Variants in KATNAL1 observed in about 807,000 individuals in gnomAD.
KATNAL1 encodes katanin catalytic subunit A1 like 1.
In KATNAL1, 32 loss-of-function variants were observed where a neutral mutation model predicts 55.2. The observed-to-expected ratio is 0.58, with a 90% confidence interval of 0.44 to 0.78. The LOEUF (loss-of-function observed/expected upper bound fraction) is 0.78. KATNAL1 is among the 30% of genes least tolerant of loss of function. The probability of loss-of-function intolerance (pLI) is 0.00; values close to 1 mark genes in which losing one functional copy is unlikely to be tolerated. For missense variants in KATNAL1, 466 were observed against 600.9 expected (o/e 0.78, Z 2.35); for synonymous variants, 193 against 193.6 (o/e 1.00, Z 0.02).
At chr13:30,278,141 C>T (rs1020166432) in intron 3 of KATNAL1, among the ~76,000 whole-genome samples, 6 of 151,894 alleles carry the variant, frequency 4.0e-5, no homozygotes, top group Middle Eastern at 3.4e-3. Flanking sequence ...TATTATATTT[C>T]CTTCTCTAGT....
chr13:30,241,094 T>C lies in KATNAL1; in HGVS notation c.493-8A>G, dbSNP rs374445148. 31 of 1,609,860 alleles carry C rather than the reference T, an allele frequency of 1.9e-5. No homozygotes were observed. The African/African-American group carries it at 2.8e-4, about 15-fold the overall frequency. On this transcript the variant is annotated splice_polypyrimidine_tract_variant and splice_region_variant and intron_variant, in intron 4 of 10. Transcript: ENST00000380615. ...TTGCATATTCTTCCTTCCCTGGGGA[T>C]AGGTATAAAAAAAAAGTACTAGTCA... is the stretch of plus-strand genomic sequence containing the variant.
intron 6 of KATNAL1, among the ~76,000 whole-genome samples, chr13:30,235,862 C>T (rs1876611532): frequency 6.6e-6 from 1 of 151,264 alleles, no homozygotes; most frequent in Admixed American, 6.6e-5. Context: ...AAAAAAAAAT[C>T]ATTGAATAGC....
At chr13:30,253,156 T>A (rs984830576) in intron 4 of KATNAL1, among the ~76,000 whole-genome samples, 17 of 152,332 alleles carry the variant, frequency 1.1e-4, no homozygotes, top group African/African-American at 4.1e-4. Flanking sequence ...AACTTCAGTA[T>A]CCTAATGAAT....
rs528556512 is a variant in KATNAL1 at position 30,278,064 on chromosome 13, G to A, written c.323+1999C>T. On this transcript the variant is annotated intron_variant, in intron 3 of 10. Transcript: ENST00000380615. ...ATTGTTAATTGATGAAGGACCCACTGTTGTTGCTTACATAGAAACTTTATT... is the reference window on the plus strand; with the variant it reads ...ATTGTTAATTGATGAAGGACCCACTATTGTTGCTTACATAGAAACTTTATT... 1.4e-4 allele frequency among the ~76,000 whole-genome samples: 21 copies of A among 146,234 alleles called. No homozygotes were observed. In the East Asian group the frequency reaches 4.0e-3, roughly 28 times the overall value.
In KATNAL1 at chr13:30,206,674, A is replaced by G. The variant is rs1424859426; in HGVS notation, c.*1866T>C. 6.6e-6 allele frequency: 1 copy of G among 151,940 alleles called. No individual in the cohort carries two copies. Among genetic ancestry groups the G allele is most frequent in the Non-Finnish European group, 1.5e-5 (1 of 67,960 alleles). 9.4% of individuals were successfully genotyped at this position (151,940 alleles called of 1,614,324 possible). A position where few individuals can be genotyped will look rare whatever the true frequency, so the allele number is the denominator to read the frequency against. ...CATTGAAAGTAATGGAAAAACCACAATTACTTTTGCACCAACCCATTACAA... is the reference window on the plus strand; with the variant it reads ...CATTGAAAGTAATGGAAAAACCACAGTTACTTTTGCACCAACCCATTACAA... On this transcript the variant is annotated 3_prime_UTR_variant, in exon 11 of 11. Coordinates refer to ENST00000380615, the MANE Select transcript of KATNAL1 (RefSeq NM_032116.5).
chr13:30,226,145 G>T (rs911798107), intron 9 of KATNAL1, among the ~76,000 whole-genome samples: 1 of 152,132 alleles, frequency 6.6e-6, no homozygotes, highest in Non-Finnish European at 1.5e-5. Context: ...GCAAGGATAT[G>T]GAAGTATTTG....
chr13:30,242,289 GTCC>G (rs1222349728), intron 4 of KATNAL1, among the ~76,000 whole-genome samples: 1 of 152,182 alleles, frequency 6.6e-6, no homozygotes, highest in Admixed American at 6.5e-5. Context: ...TAATATGAAT[GTCC>G]AAGTGGCTGG....
intron 1 of KATNAL1, among the ~76,000 whole-genome samples, chr13:30,289,608 T>G (rs942168607): frequency 4.6e-5 from 7 of 152,248 alleles, no homozygotes; most frequent in Non-Finnish European, 8.8e-5. Flanking sequence ...TATATTGTAT[T>G]TAACACAGCT....
chr13:30,268,347 A>T lies in KATNAL1; in HGVS notation c.323+11716T>A, dbSNP rs181724123. Among the ~76,000 whole-genome samples, 690 of 152,372 alleles carry T rather than the reference A, an allele frequency of 4.5e-3. 9 individuals carry two copies. The highest frequency in any genetic ancestry group is 0.016 in the African/African-American group (650 of 41,588). On this transcript the variant is annotated intron_variant, in intron 3 of 10. Transcript: ENST00000380615. ...AAGATGACTCTCAATAACTTTGATA[A>T]GAGAACTGCCAGCTATAGACTACAA...
intron 4 of KATNAL1, among the ~76,000 whole-genome samples, chr13:30,251,840 T>C (rs1189557764): frequency 6.6e-6 from 1 of 152,200 alleles, no homozygotes; most frequent in Non-Finnish European, 1.5e-5. Context: ...AACAGAGTAC[T>C]AACTAGCCTT....
intron 3 of KATNAL1, among the ~76,000 whole-genome samples, chr13:30,264,031 T>C (rs1391900657): frequency 1.4e-5 from 2 of 147,260 alleles, no homozygotes; most frequent in African/African-American, 2.5e-5. Flanking sequence ...AACAGAGATA[T>C]AGATCAACGG....
At chr13:30,219,381 A>G (rs1874624106) in intron 9 of KATNAL1, among the ~76,000 whole-genome samples, 1 of 152,168 alleles carries the variant, frequency 6.6e-6, no homozygotes. Flanking sequence ...AAATTCAGTT[A>G]AAATGCAACT....
rs114867067 is a variant in KATNAL1 at position 30,252,306 on chromosome 13, A to G, written c.492+3141T>C. 7.3e-3 allele frequency among the ~76,000 whole-genome samples: 1,114 copies of G among 152,344 alleles called. 9 individuals carry two copies. The highest frequency in any genetic ancestry group is 0.025 in the African/African-American group (1,048 of 41,574). The stretch of plus-strand genomic sequence containing the variant: ...TCAAAAAGGATAAGTGCGCTCAAGG[A>G]AGACTAACATTTGCTACTACTGCTA... On this transcript the variant is annotated intron_variant, in intron 4 of 10. Coordinates refer to ENST00000380615, the MANE Select transcript of KATNAL1 (RefSeq NM_032116.5).
Position 30,277,807 on chromosome 13 carries a change from C to A in KATNAL1, c.323+2256G>T, listed in dbSNP as rs1043857678. On this transcript the variant is annotated intron_variant, in intron 3 of 10. Coordinates refer to ENST00000380615, the MANE Select transcript of KATNAL1 (RefSeq NM_032116.5). ...GACCATCCCGGCTAAAACGGTGAAA[C>A]CCCGTCTCTACTAAAAATACAAAAA... Among the ~76,000 whole-genome samples the A allele has an allele frequency of 7.3e-5, 11 of 151,272 alleles. No individual in the cohort carries two copies. The East Asian group carries it at 2.1e-3, about 29-fold the overall frequency.
Position 30,204,437 on chromosome 13 carries a change from G to C in KATNAL1, c.*4103C>G, listed in dbSNP as rs937786557. ...CTTCATTTTATCTCAAGTTAGGGTG[G>C]GGGGAAAGTGAATCACAGCTACCTC... On this transcript the variant is annotated 3_prime_UTR_variant, in exon 11 of 11. Coordinates refer to ENST00000380615, the MANE Select transcript of KATNAL1 (RefSeq NM_032116.5). 1.3e-5 allele frequency: 2 copies of C among 152,084 alleles called. No individual in the cohort carries two copies. Among genetic ancestry groups the C allele is most frequent in the Non-Finnish European group, 2.9e-5 (2 of 67,996 alleles). The allele number at this position is 152,084 out of a possible 1,614,324, so 9.4% of individuals were successfully genotyped here.
At chr13:30,235,252 C>T (rs1200525634) in intron 6 of KATNAL1, among the ~76,000 whole-genome samples, 1 of 152,204 alleles carries the variant, frequency 6.6e-6, no homozygotes, top group Non-Finnish European at 1.5e-5. Context: ...AGCATGGTGC[C>T]TGCACCCATT....
intron 10 of KATNAL1, 81 bp downstream of exon 10, chr13:30,210,235 G>A (rs1043077417): frequency 1.6e-5 from 20 of 1,223,224 alleles, no homozygotes; most frequent in South Asian, 1.9e-5. Flanking sequence ...ACTACACTGG[G>A]CTAACTACAT....
In KATNAL1 at chr13:30,283,673, C is replaced by T; in HGVS notation, c.105G>A (p.Gln35=). 10 of 1,614,048 alleles carry T rather than the reference C, an allele frequency of 6.2e-6. No individual in the cohort carries two copies. Among genetic ancestry groups the T allele is most frequent in the Non-Finnish European group, 8.5e-6 (10 of 1,179,996 alleles). The change falls in exon 2 of 11, where the codon CAG becomes CAA. Residue 35 remains glutamine, a synonymous_variant. Coordinates refer to ENST00000380615, the MANE Select transcript of KATNAL1 (RefSeq NM_032116.5). ...TGACTGACTGGCAATGTCTCTGAAT[C>T]TGCTGCATCACCCCCTGGTAATATA... ...SMVYYQGVMQ[Q]IQRHCQSVRD...
intron 1 of KATNAL1, among the ~76,000 whole-genome samples, chr13:30,299,141 AG>A (rs753894203): frequency 2.6e-5 from 4 of 152,166 alleles, no homozygotes; most frequent in East Asian, 1.9e-4. Context: ...GTAAGGGTGT[AG>A]GGGGTTGGCA....
Sources: allele counts gnomAD v4.1 joint callset (sites outside exome capture counted in the v4.1 genomes callset), GRCh38; gene constraint gnomAD v4.1.1; transcripts MANE v1.5; gene names NCBI Gene and HGNC (gene_info 2026-07-23, HGNC 2026-07-21).